Variants in ATP2C2 observed in about 807,000 individuals in gnomAD.
ATP2C2 encodes the protein ATPase secretory pathway Ca2+ transporting 2.
A neutral mutation model predicts 110.8 loss-of-function variants in ATP2C2; 171 were observed. The observed-to-expected ratio is 1.54, with a 90% confidence interval of 1.36 to 1.75. The LOEUF (loss-of-function observed/expected upper bound fraction) is 1.75. Ranked by LOEUF, ATP2C2 falls within the 40% of genes most tolerant of loss-of-function variation. The pLI is 0.00. For missense variants in ATP2C2, 1,963 were observed against 1,235.0 expected (o/e 1.59, Z -8.84); for synonymous variants, 804 against 508.4 (o/e 1.58, Z -7.82).
intron 11 of ATP2C2, among the ~76,000 whole-genome samples, chr16:84,436,801 T>C (rs1908782164): frequency 6.6e-6 from 1 of 151,166 alleles, no homozygotes; most frequent in Non-Finnish European, 1.5e-5. Flanking sequence ...TCACTCTTGT[T>C]GCCCAGGCTG....
intron 1 of ATP2C2, among the ~76,000 whole-genome samples, chr16:84,388,840 T>C (rs1904477036): frequency 6.6e-6 from 1 of 152,192 alleles, no homozygotes; most frequent in Non-Finnish European, 1.5e-5. Flanking sequence ...GGTGCAATCT[T>C]GGCTCACTGC....
chr16:84,436,243 A>C (rs1032622782), intron 11 of ATP2C2, among the ~76,000 whole-genome samples: 12 of 152,240 alleles, frequency 7.9e-5, no homozygotes, highest in Admixed American at 7.8e-4. Context: ...TGCATGAAAA[A>C]GATACTGGAT....
intron 2 of ATP2C2, chr16:84,404,784 C>G (rs1385897652): frequency 5.6e-6 from 2 of 359,112 alleles, no homozygotes; most frequent in South Asian, 2.2e-5. Flanking sequence ...TCCATAACAG[C>G]TGCACCATTT....
chr16:84,437,261 C>T (rs1270140672), intron 11 of ATP2C2, among the ~76,000 whole-genome samples: 1 of 151,800 alleles, frequency 6.6e-6, no homozygotes, highest in Non-Finnish European at 1.5e-5. Context: ...GATCATGGCC[C>T]ACTGCAGCCT....
intron 6 of ATP2C2, among the ~76,000 whole-genome samples, chr16:84,413,262 C>T (rs562451676): frequency 6.6e-6 from 1 of 152,100 alleles, no homozygotes; most frequent in African/African-American, 2.4e-5. Flanking sequence ...ATCCCAGGCA[C>T]ATGTTGTGCA....
At chr16:84,375,750 A>C (rs1284354092) in intron 1 of ATP2C2, among the ~76,000 whole-genome samples, 1 of 152,216 alleles carries the variant, frequency 6.6e-6, no homozygotes, top group African/African-American at 2.4e-5. Flanking sequence ...CTGGAGAAAG[A>C]TCATTTTGAG....
At chr16:84,452,129 C>T (rs774395463) in intron 18 of ATP2C2, 38 bp downstream of exon 18, 2 of 1,608,430 alleles carry the variant, frequency 1.2e-6, no homozygotes, top group Non-Finnish European at 8.5e-7. Context: ...ACGAAAGGAC[C>T]CATCCATCCT....
intron 6 of ATP2C2, among the ~76,000 whole-genome samples, chr16:84,413,946 A>C (rs1211487252): frequency 6.6e-6 from 1 of 152,244 alleles, no homozygotes; most frequent in African/African-American, 2.4e-5. Context: ...AAGGGAGTAC[A>C]TAATAAGCCA....
intron 23 of ATP2C2, 186 bp downstream of exon 23, chr16:84,459,572 T>G: frequency 6.5e-7 from 1 of 1,536,410 alleles, no homozygotes. Flanking sequence ...GAGGAGAAAG[T>G]ACCTGGGCCG....
intron 4 of ATP2C2, among the ~76,000 whole-genome samples, chr16:84,409,542 C>G (rs1334998129): frequency 6.6e-6 from 1 of 152,074 alleles, no homozygotes; most frequent in African/African-American, 2.4e-5. Context: ...CAGAGTCTTG[C>G]TGTGTCGTCC....
intron 1 of ATP2C2, among the ~76,000 whole-genome samples, chr16:84,382,666 A>G (rs1910651445): frequency 6.6e-6 from 1 of 152,248 alleles, no homozygotes; most frequent in Non-Finnish European, 1.5e-5. Context: ...GGCTAAGGCG[A>G]GAGGATCACT....
chr16:84,440,550 C>T (rs1486652440), intron 13 of ATP2C2, among the ~76,000 whole-genome samples: 1 of 152,176 alleles, frequency 6.6e-6, no homozygotes, highest in African/African-American at 2.4e-5. Flanking sequence ...ACACGTTTAC[C>T]CAGCGCTGTT....
chr16:84,416,748 C>G (rs60342538), intron 7 of ATP2C2, among the ~76,000 whole-genome samples: 26,039 of 152,088 alleles, frequency 0.17, 2,704 homozygotes, highest in East Asian at 0.31. Context: ...GATACAGATC[C>G]TCTGTGGCCC....
chr16:84,388,031 C>T (rs1470165819), intron 1 of ATP2C2, among the ~76,000 whole-genome samples: 5 of 151,804 alleles, frequency 3.3e-5, no homozygotes, highest in African/African-American at 4.8e-5. Flanking sequence ...TTTGTAAGAA[C>T]CAGCAGCAAC....
rs16973858 is a variant in ATP2C2 at position 84,461,166 on chromosome 16, G to T, written c.2481+365G>T. 2,527 of 266,008 alleles carry T rather than the reference G, an allele frequency of 9.5e-3. 74 individuals carry two copies. The highest frequency in any genetic ancestry group is 0.054 in the African/African-American group (2,380 of 44,476). The allele number at this position is 266,008 out of a possible 1,614,324, so 16.5% of individuals were successfully genotyped here. ...TGTTACACTCTAGAGGTGATTGTTT[G>T]CTTTGGATCTAGGCCTGGGTCACCT... On this transcript the variant is annotated intron_variant, in intron 24 of 26. Transcript: ENST00000262429.
At position 84,459,374 on chromosome 16, in the gene ATP2C2, C is replaced by T; in HGVS notation, c.2321C>T (p.Pro774Leu). The change falls in exon 23 of 27, where the codon CCA becomes CTA. Residue 774 changes from proline to leucine, a missense_variant. Pro to Leu is a moderately conservative substitution (Grantham distance 98, BLOSUM62 -3). Transcript: ENST00000262429. ...ILWINIIMDG[P>L]PAQSLGVEPV... ...TGGATCAACATCATCATGGATGGGC[C>T]ACCGGCGCAGAGGTGAGGCAGGGCC... is the stretch of plus-strand genomic sequence containing the variant. 3 of 1,614,108 alleles carry T rather than the reference C, an allele frequency of 1.9e-6. No homozygotes were observed. Among genetic ancestry groups the T allele is most frequent in the Non-Finnish European group, 1.7e-6 (2 of 1,179,966 alleles).
chr16:84,385,646 A>G (rs1172414027), intron 1 of ATP2C2, among the ~76,000 whole-genome samples: 5 of 152,206 alleles, frequency 3.3e-5, no homozygotes, highest in African/African-American at 1.2e-4. Context: ...ATTGACTCAC[A>G]GTTCCGCATG....
chr16:84,388,622 G>T (rs1904462140), intron 1 of ATP2C2, among the ~76,000 whole-genome samples: 1 of 152,152 alleles, frequency 6.6e-6, no homozygotes, highest in East Asian at 1.9e-4. Flanking sequence ...GGCTTATTTG[G>T]GTGTGTGTCT....
rs577128921 is a variant in ATP2C2, at chr16:84,378,824, A to G, written c.99+10110A>G. Among the ~76,000 whole-genome samples, 74 of 152,316 alleles carry G rather than the reference A, an allele frequency of 4.9e-4. 3 individuals are homozygous for G. In the South Asian group the frequency reaches 0.015, roughly 32 times the overall value. ...AAGTGCAGGCTGCCGTGGACACACG[A>G]AGCCATGAACGTGGAGCCGGGCCTG... On this transcript the variant is annotated intron_variant, in intron 1 of 26. Coordinates refer to ENST00000262429, the MANE Select transcript of ATP2C2 (RefSeq NM_014861.4).
Sources: allele counts gnomAD v4.1 joint callset (sites outside exome capture counted in the v4.1 genomes callset), GRCh38; gene constraint gnomAD v4.1.1; transcripts MANE v1.5; gene names NCBI Gene and HGNC (gene_info 2026-07-23, HGNC 2026-07-21).